The following AIFM3 variants were observed in gnomAD, a reference collection of about 807,000 sequenced individuals.
AIFM3 encodes apoptosis-inducing factor 3.
In AIFM3, 71 loss-of-function variants were observed where a neutral mutation model predicts 82.7. That is an observed-to-expected ratio of 0.86 (90% CI 0.71 to 1.05). AIFM3 has a LOEUF of 1.05. Among genes scored for constraint, AIFM3 ranks in the 50% least tolerant of loss-of-function variants. AIFM3 has a pLI of 0.00. For synonymous variants in AIFM3, 337 were observed against 329.1 expected (o/e 1.02, Z -0.26); for missense variants, 748 against 816.7 (o/e 0.92, Z 1.03).
At chr22:20,970,471 T>C (rs770344972) in intron 2 of AIFM3, among the ~76,000 whole-genome samples, 29 of 152,150 alleles carry the variant, frequency 1.9e-4, no homozygotes, top group Non-Finnish European at 3.4e-4. Context: ...TTAACTTTTT[T>C]ATTTTTTGAG....
chr22:20,979,531 A>C, intron 17 of AIFM3, 96 bp from the exon 18 acceptor site: 3 of 1,513,640 alleles, frequency 2.0e-6, no homozygotes, highest in Non-Finnish European at 2.7e-6. Context: ...AAAAGGACGT[A>C]TGGAGCAGGG....
chr22:20,976,132 G>A, intron 9 of AIFM3, 83 bp from the exon 10 acceptor site: 4 of 1,460,088 alleles, frequency 2.7e-6, no homozygotes, highest in Non-Finnish European at 3.8e-6. Flanking sequence ...TGGCTGGGCT[G>A]TGGGTGTACT....
chr22:20,967,532 G>C (rs901075036), intron 1 of AIFM3, among the ~76,000 whole-genome samples: 1 of 152,128 alleles, frequency 6.6e-6, no homozygotes, highest in Non-Finnish European at 1.5e-5. Flanking sequence ...GTAGAAATCA[G>C]GGAGGATTTC....
rs770315903 is a variant in AIFM3, at chr22:20,974,626, G to A, written c.607+5G>A. 1.9e-6 allele frequency: 3 copies of A among 1,613,606 alleles called. No homozygotes were observed. In the Admixed American group the frequency reaches 5.0e-5, roughly 27 times the overall value. ...ATGTGCTCATTGTGGGTGCAGGTTGGTAGTGGGGTCATGAGGGGCAGGGTG... is the reference window on the plus strand; with the variant it reads ...ATGTGCTCATTGTGGGTGCAGGTTGATAGTGGGGTCATGAGGGGCAGGGTG... On this transcript the variant is annotated splice_donor_5th_base_variant and intron_variant, in intron 7 of 20. Coordinates refer to ENST00000440238, the MANE Select transcript of AIFM3 (RefSeq NM_001386814.1).
intron 3 of AIFM3, 106 bp downstream of exon 3, chr22:20,973,626 T>G: frequency 7.2e-7 from 1 of 1,394,982 alleles, no homozygotes; most frequent in Admixed American, 2.1e-5. Context: ...TATGACCAGC[T>G]GCTGCCCTGG....
chr22:20,977,812 G>A (rs781190520), intron 15 of AIFM3, 36 bp downstream of exon 15: 45 of 1,613,996 alleles, frequency 2.8e-5, no homozygotes, highest in East Asian at 6.7e-5. Context: ...AGGACCCGGT[G>A]CTGGGCTGGG....
rs1924094094 is a variant in AIFM3 at position 20,981,173 on chromosome 22, TC to T, written c.*146del. On this transcript the variant is annotated 3_prime_UTR_variant, in exon 21 of 21. Transcript: ENST00000440238. The stretch of plus-strand genomic sequence containing the variant: ...CAGTGCTTGCCTTCAGCCACCTGGC[TC>T]CCCTCCTGGGAGGCCTCTGCTGGAT... The T allele has an allele frequency of 6.6e-6, 8 of 1,205,006 alleles. No individual in the cohort carries two copies. Among genetic ancestry groups the T allele is most frequent in the Non-Finnish European group, 8.2e-6 (7 of 853,750 alleles). The allele number at this position is 1,205,006 out of a possible 1,614,324, so 74.6% of individuals were successfully genotyped here.
chr22:20,967,786 GC>G lies in AIFM3; in HGVS notation c.-140-18del. The G allele has an allele frequency of 1.4e-6, 1 of 722,176 alleles. No homozygotes were observed. Among genetic ancestry groups the G allele is most frequent in the Non-Finnish European group, 2.4e-6 (1 of 411,960 alleles). 44.7% of individuals were successfully genotyped at this position (722,176 alleles called of 1,614,324 possible). The stretch of plus-strand genomic sequence containing the variant: ...CTGCCCACACGCCCCGGTCCTGATG[GC>G]TCCAGTCTCCCCTGCAGGTCCTAGA... On this transcript the variant is annotated intron_variant, in intron 1 of 20. Transcript: ENST00000440238.
chr22:20,969,972 C>T (rs1192573800), intron 2 of AIFM3, among the ~76,000 whole-genome samples: 1 of 152,194 alleles, frequency 6.6e-6, no homozygotes, highest in Non-Finnish European at 1.5e-5. Flanking sequence ...TGCATCAGCA[C>T]CTGCTTCCTG....
At position 20,981,270 on chromosome 22, in the gene AIFM3, C is replaced by T. The variant is rs7292968; in HGVS notation, c.*239C>T. On this transcript the variant is annotated 3_prime_UTR_variant, in exon 21 of 21. Coordinates refer to ENST00000440238, the MANE Select transcript of AIFM3 (RefSeq NM_001386814.1). ...GGCACTGGAGGCAGGACAAGCCCTGCCTCTTCTCCCTCTATTGGGACTGGT... is the reference window on the plus strand; with the variant it reads ...GGCACTGGAGGCAGGACAAGCCCTGTCTCTTCTCCCTCTATTGGGACTGGT... The T allele has an allele frequency of 0.08, 45,611 of 573,494 alleles. 4,140 individuals are homozygous for T. The highest frequency in any genetic ancestry group is 0.35 in the African/African-American group (18,584 of 53,400). The allele number at this position is 573,494 out of a possible 1,614,324, so 35.5% of individuals were successfully genotyped here.
At chr22:20,979,725 T>G in intron 18 of AIFM3, 23 bp downstream of exon 18, 1 of 1,613,868 alleles carries the variant, frequency 6.2e-7, no homozygotes, top group Non-Finnish European at 8.5e-7. Flanking sequence ...GGGTGCAGCT[T>G]GGCGCGAAGC....
intron 2 of AIFM3, among the ~76,000 whole-genome samples, chr22:20,970,020 T>A (rs572056722): frequency 6.6e-6 from 1 of 152,196 alleles, no homozygotes; most frequent in African/African-American, 2.4e-5. Context: ...GTCTGAGTAG[T>A]TGATAAGAAG....
At chr22:20,980,692 A>G in intron 19 of AIFM3, 55 bp from the exon 20 acceptor site, 1 of 1,613,162 alleles carries the variant, frequency 6.2e-7, no homozygotes, top group East Asian at 2.2e-5. Flanking sequence ...GACATGATAA[A>G]TGACATGCTC....
intron 15 of AIFM3, 54 bp from the exon 16 acceptor site, chr22:20,977,834 G>A: frequency 1.2e-6 from 2 of 1,613,946 alleles, no homozygotes; most frequent in Non-Finnish European, 1.7e-6. Flanking sequence ...GTGGCAGGAG[G>A]TTCAGGTCAG....
Position 20,968,040 on chromosome 22 carries a change from C to A in AIFM3, c.31+65C>A. 4.7e-6 allele frequency: 7 copies of A among 1,491,836 alleles called. No homozygotes were observed. The South Asian group carries it at 5.1e-5, about 11-fold the overall frequency. The allele number at this position is 1,491,836 out of a possible 1,614,324, so 92.4% of individuals were successfully genotyped here. On this transcript the variant is annotated intron_variant, in intron 2 of 20. Coordinates refer to ENST00000440238, the MANE Select transcript of AIFM3 (RefSeq NM_001386814.1). ...CCCCGCCTCCTCCTCCCCCGTCTCC[C>A]CCCCCTCCCCCTCTGCACTCGGTAG...
In AIFM3 at chr22:20,967,808, C is replaced by G. The variant is rs1922994175; in HGVS notation, c.-137C>G. 1 of 916,368 alleles carries G rather than the reference C, an allele frequency of 1.1e-6. No homozygotes were observed. Among genetic ancestry groups the G allele is most frequent in the Non-Finnish European group, 1.8e-6 (1 of 565,548 alleles). 56.8% of individuals were successfully genotyped at this position (916,368 alleles called of 1,614,324 possible). A position where few individuals can be genotyped will look rare whatever the true frequency, so the allele number is the denominator to read the frequency against. Reference sequence around the variant, plus strand: ...ATGGCTCCAGTCTCCCCTGCAGGTCCTAGAGCAGCTCCAGCAGGATGGCGG... The same window carrying G: ...ATGGCTCCAGTCTCCCCTGCAGGTCGTAGAGCAGCTCCAGCAGGATGGCGG... On this transcript the variant is annotated 5_prime_UTR_variant, in exon 2 of 21. Transcript: ENST00000440238.
At chr22:20,972,481 T>A (rs1237886083) in intron 2 of AIFM3, among the ~76,000 whole-genome samples, 1 of 151,574 alleles carries the variant, frequency 6.6e-6, no homozygotes, top group Admixed American at 6.6e-5. Flanking sequence ...TTGAAAAAAA[T>A]TCAAATATAT....
chr22:20,967,764 C>G lies in AIFM3; in HGVS notation c.-140-41C>G, dbSNP rs558865465. ...CTCCGTCCCTCTGTGTCTCTACCTG[C>G]CCACACGCCCCGGTCCTGATGGCTC... On this transcript the variant is annotated intron_variant, in intron 1 of 20. Transcript: ENST00000440238. 1.7e-3 allele frequency: 1,085 copies of G among 631,126 alleles called. 14 individuals are homozygous for G. The African/African-American group carries it at 0.018, about 10-fold the overall frequency. 39.1% of individuals were successfully genotyped at this position (631,126 alleles called of 1,614,324 possible). A position where few individuals can be genotyped will look rare whatever the true frequency, so the allele number is the denominator to read the frequency against.
rs747820155 is a variant in AIFM3 at position 20,979,380 on chromosome 22, G to A, written c.1576+11G>A. ...GCCTGCGCTACGCGGGTAACCCCGG[G>A]GCCTCGGATGGGGGCGGGGCCGAGG... On this transcript the variant is annotated intron_variant, in intron 17 of 20. Transcript: ENST00000440238. 3.9e-6 allele frequency: 6 copies of A among 1,550,056 alleles called. No homozygotes were observed. Among genetic ancestry groups the A allele is most frequent in the African/African-American group, 1.4e-5 (1 of 72,814 alleles).
Sources: gnomAD v4.1 joint callset for allele counts (sites outside exome capture counted in the v4.1 genomes callset) on GRCh38, gnomAD v4.1.1 for gene constraint, MANE v1.5 for transcripts, NCBI Gene and HGNC (gene_info 2026-07-23, HGNC 2026-07-21) for gene names.